The following RBFOX1 variants were observed in gnomAD, a reference collection of about 807,000 sequenced individuals.
RBFOX1 encodes RNA binding fox-1 homolog 1.
RBFOX1 carries 8 observed loss-of-function variants against 57.7 expected under a neutral mutation model. The observed-to-expected ratio is 0.14, with a 90% CI of 0.08 to 0.25. RBFOX1 has a LOEUF of 0.25. RBFOX1 is among the 10% of genes least tolerant of loss of function. The pLI is 1.00. For synonymous variants in RBFOX1, 326 were observed against 222.4 expected (o/e 1.47, Z -4.15); for missense variants, 611 against 548.5 (o/e 1.11, Z -1.14).
chr16:7,270,640 C>T (rs1025765944), intron 4 of RBFOX1, among the ~76,000 whole-genome samples: 1 of 152,164 alleles, frequency 6.6e-6, no homozygotes, highest in African/African-American at 2.4e-5. Flanking sequence ...AATACTAAAT[C>T]AGTTGCTATT....
At chr16:6,816,506 C>T (rs1045423549) in intron 3 of RBFOX1, among the ~76,000 whole-genome samples, 1 of 150,796 alleles carries the variant, frequency 6.6e-6, no homozygotes, top group Non-Finnish European at 1.5e-5. Flanking sequence ...CTTTGGGAAG[C>T]CAAGGCGGAC....
chr16:5,263,522 A>G (rs946288679), intron 1 of RBFOX1, among the ~76,000 whole-genome samples: 21 of 152,198 alleles, frequency 1.4e-4, no homozygotes, highest in Non-Finnish European at 2.6e-4. Context: ...CGCCTGGCAC[A>G]TACATGGTGC....
intron 4 of RBFOX1, among the ~76,000 whole-genome samples, chr16:7,515,671 A>G (rs1280162016): frequency 6.6e-6 from 1 of 152,200 alleles, no homozygotes; most frequent in African/African-American, 2.4e-5. Context: ...TGACTTGTGT[A>G]ACTACAACAA....
chr16:6,338,497 G>A (rs1348700743), intron 2 of RBFOX1, among the ~76,000 whole-genome samples: 1 of 152,158 alleles, frequency 6.6e-6, no homozygotes, highest in Admixed American at 6.5e-5. Flanking sequence ...ATAGTAGTTT[G>A]AAAACTAACA....
chr16:6,637,999 C>T (rs72762962), intron 2 of RBFOX1, among the ~76,000 whole-genome samples: 32,061 of 152,066 alleles, frequency 0.21, 3,444 homozygotes, highest in Non-Finnish European at 0.23. Context: ...TTTTTTATCT[C>T]ATTCCCAGGA....
At chr16:5,530,451 A>G (rs1318497537) in intron 2 of RBFOX1, among the ~76,000 whole-genome samples, 3 of 152,048 alleles carry the variant, frequency 2.0e-5, no homozygotes, top group Non-Finnish European at 4.4e-5. Flanking sequence ...AACCCAGACC[A>G]CTCGACAATA....
intron 3 of RBFOX1, among the ~76,000 whole-genome samples, chr16:6,941,243 C>A (rs11861937): frequency 7.3e-6 from 1 of 136,700 alleles, no homozygotes; most frequent in African/African-American, 3.0e-5. Context: ...CCTCCATCCC[C>A]TCCCATTCCC....
At chr16:6,940,523 G>T (rs1361380701) in intron 3 of RBFOX1, among the ~76,000 whole-genome samples, 1 of 152,136 alleles carries the variant, frequency 6.6e-6, no homozygotes, top group Non-Finnish European at 1.5e-5. Flanking sequence ...TCTATACTTT[G>T]AATGAAATTC....
At chr16:6,637,170 T>TATATTAA (rs1567984542) in intron 2 of RBFOX1, among the ~76,000 whole-genome samples, 1 of 54,048 alleles carries the variant, frequency 1.9e-5, no homozygotes, top group Non-Finnish European at 3.0e-5. Context: ...TTATATATTA[T>TATATTAA]ATATATTATA....
At chr16:6,331,121 G>A (rs937979535) in intron 2 of RBFOX1, among the ~76,000 whole-genome samples, 4 of 152,166 alleles carry the variant, frequency 2.6e-5, no homozygotes, top group Non-Finnish European at 4.4e-5. Context: ...AAGAAGGCTT[G>A]AAGAGGAGGC....
chr16:5,551,426 A>G (rs777698838), intron 2 of RBFOX1, among the ~76,000 whole-genome samples: 15 of 152,196 alleles, frequency 9.9e-5, no homozygotes, highest in East Asian at 3.9e-4. Context: ...GGCGATTCCA[A>G]CAAGCATCTC....
At chr16:5,684,709 A>T (rs553359795) in intron 3 of RBFOX1, among the ~76,000 whole-genome samples, 2 of 152,134 alleles carry the variant, frequency 1.3e-5, no homozygotes, top group African/African-American at 2.4e-5. Flanking sequence ...GAAGCTATCA[A>T]ACGATATTGC....
chr16:5,919,338 A>T (rs2058770517), intron 4 of RBFOX1, among the ~76,000 whole-genome samples: 1 of 152,094 alleles, frequency 6.6e-6, no homozygotes, highest in African/African-American at 2.4e-5. Flanking sequence ...TTTTAATTGC[A>T]TTTTTAAATT....
At chr16:5,758,767 C>A (rs1160869144) in intron 3 of RBFOX1, among the ~76,000 whole-genome samples, 1 of 152,150 alleles carries the variant, frequency 6.6e-6, no homozygotes, top group Non-Finnish European at 1.5e-5. Flanking sequence ...CCAAGACCTT[C>A]ACTTTTTGGA....
At chr16:7,382,197 A>C (rs1003082615) in intron 4 of RBFOX1, among the ~76,000 whole-genome samples, 1 of 152,046 alleles carries the variant, frequency 6.6e-6, no homozygotes, top group Non-Finnish European at 1.5e-5. Context: ...CACTATGAAG[A>C]CTCCATTTCA....
intron 4 of RBFOX1, among the ~76,000 whole-genome samples, chr16:7,429,856 T>C (rs2098661527): frequency 6.6e-6 from 1 of 152,222 alleles, no homozygotes; most frequent in African/African-American, 2.4e-5. Context: ...TATTGAGATA[T>C]ACTATGTATT....
chr16:6,134,683 A>ATTTTTTTTTTT (rs61209958), intron 1 of RBFOX1, among the ~76,000 whole-genome samples: 9,282 of 142,944 alleles, frequency 0.065, 369 homozygotes, highest in African/African-American at 0.085. Context: ...AACTCAGAGT[A>ATTTTTTTTTTT]TTTTTTTTTT....
At chr16:6,106,950 C>T (rs575651899) in intron 1 of RBFOX1, among the ~76,000 whole-genome samples, 127 of 152,162 alleles carry the variant, frequency 8.3e-4, no homozygotes, top group African/African-American at 2.7e-3. Context: ...GGATTACAGG[C>T]GTGAGCCACC....
At chr16:7,266,739 G>C (rs2095158205) in intron 4 of RBFOX1, among the ~76,000 whole-genome samples, 1 of 151,924 alleles carries the variant, frequency 6.6e-6, no homozygotes, top group Non-Finnish European at 1.5e-5. Flanking sequence ...CAAAAAGTAA[G>C]AATTTTTAGC....
Sources: gnomAD v4.1 joint callset for allele counts (sites outside exome capture counted in the v4.1 genomes callset) on GRCh38, gnomAD v4.1.1 for gene constraint, MANE v1.5 for transcripts, NCBI Gene and HGNC (gene_info 2026-07-23, HGNC 2026-07-21) for gene names.